SPAG17: variants seen among roughly 807,000 people sequenced by gnomAD.
SPAG17 encodes the protein sperm associated antigen 17.
Under a neutral mutation model 273.6 loss-of-function variants are expected in SPAG17, and 169 were observed. The observed-to-expected ratio is 0.62, with a 90% CI of 0.55 to 0.70. The LOEUF (loss-of-function observed/expected upper bound fraction) is 0.70. Among genes scored for constraint, SPAG17 ranks in the 30% least tolerant of loss-of-function variants. The pLI, the probability that SPAG17 is intolerant of heterozygous loss-of-function variation, is 0.00. For missense variants in SPAG17, 2,557 were observed against 2,627.8 expected (o/e 0.97, Z 0.59); for synonymous variants, 825 against 873.2 (o/e 0.94, Z 0.97).
chr1:118,039,568 TC>T, intron 22 of SPAG17, 124 bp from the exon 23 acceptor site: 1 of 945,146 alleles, frequency 1.1e-6, no homozygotes, highest in Non-Finnish European at 1.6e-6. Flanking sequence ...CACTGCATGT[TC>T]TCACTTAGGA....
At chr1:117,991,550 C>A (rs764758944) in intron 36 of SPAG17, 22 bp from the exon 37 acceptor site, 2 of 1,442,314 alleles carry the variant, frequency 1.4e-6, no homozygotes, top group African/African-American at 1.4e-5. Flanking sequence ...GAATAAAATA[C>A]ATAGACAAAA....
intron 42 of SPAG17, 21 bp downstream of exon 42, chr1:117,983,790 T>C: frequency 3.3e-6 from 5 of 1,500,384 alleles, no homozygotes; most frequent in Non-Finnish European, 3.7e-6. Context: ...AATAGGAATA[T>C]GTGCTATGCT....
intron 10 of SPAG17, among the ~76,000 whole-genome samples, chr1:118,088,313 T>G (rs1479060893): frequency 6.6e-6 from 1 of 152,192 alleles, no homozygotes; most frequent in African/African-American, 2.4e-5. Flanking sequence ...ATTAACTGTC[T>G]TCTTTGGTAC....
chr1:118,012,089 G>C, intron 30 of SPAG17, 139 bp downstream of exon 30: 2 of 641,950 alleles, frequency 3.1e-6, no homozygotes, highest in Non-Finnish European at 5.1e-6. Context: ...GCTTTGGATG[G>C]CATGGGTTTT....
At chr1:118,165,637 A>C (rs1660131826) in intron 1 of SPAG17, among the ~76,000 whole-genome samples, 1 of 145,016 alleles carries the variant, frequency 6.9e-6, no homozygotes, top group African/African-American at 2.6e-5. Flanking sequence ...TAAAAAAAAA[A>C]AAACTTTCTT....
intron 1 of SPAG17, among the ~76,000 whole-genome samples, chr1:118,158,294 T>C (rs550088843): frequency 2.6e-5 from 4 of 152,288 alleles, no homozygotes; most frequent in Admixed American, 1.3e-4. Context: ...AACAAACCAA[T>C]TATCAATTAG....
chr1:118,001,079 T>A (rs1189712302), intron 32 of SPAG17, among the ~76,000 whole-genome samples: 5 of 152,216 alleles, frequency 3.3e-5, no homozygotes, highest in Non-Finnish European at 7.3e-5. Flanking sequence ...ATTGAGATAA[T>A]CATGTGGTTT....
At chr1:118,090,121 A>C (rs115164263) in intron 10 of SPAG17, among the ~76,000 whole-genome samples, 1 of 152,310 alleles carries the variant, frequency 6.6e-6, no homozygotes, top group African/African-American at 2.4e-5. Flanking sequence ...ATGGGGGATA[A>C]AAACAGTTCC....
chr1:118,081,310 A>C lies in SPAG17; in HGVS notation c.2000T>G (p.Ile667Ser). ...ATCCACAAATAGTGTTCTGTCTTTG[A>C]TTTTAATATCTATTCAGTGTAAGGA... ...QEAKQKADIK[I>S]KDRTLFVDQN... The change falls in exon 15 of 49, where the codon ATC becomes AGC. Residue 667 changes from isoleucine to serine, a missense_variant. Physicochemically the swap from Ile to Ser is moderately radical, Grantham distance 142. Transcript: ENST00000336338. The C allele has an allele frequency of 6.2e-7, 1 of 1,613,952 alleles. No individual in the cohort carries two copies. Among genetic ancestry groups the C allele is most frequent in the Non-Finnish European group, 8.5e-7 (1 of 1,179,928 alleles).
At chr1:118,114,786 T>C (rs1266997278) in intron 4 of SPAG17, among the ~76,000 whole-genome samples, 1 of 152,184 alleles carries the variant, frequency 6.6e-6, no homozygotes, top group African/African-American at 2.4e-5. Flanking sequence ...GCAAATTAAA[T>C]GAAAAATCCA....
chr1:117,997,023 G>A (rs987910247), intron 32 of SPAG17, among the ~76,000 whole-genome samples: 53 of 152,140 alleles, frequency 3.5e-4, no homozygotes, highest in African/African-American at 1.1e-3. Flanking sequence ...ACCTCATACT[G>A]TGAAGATAGG....
intron 6 of SPAG17, among the ~76,000 whole-genome samples, chr1:118,098,214 T>C (rs1655839280): frequency 6.6e-6 from 1 of 152,180 alleles, no homozygotes; most frequent in African/African-American, 2.4e-5. Flanking sequence ...TTAAATCAAC[T>C]TAGTGTCTGC....
intron 25 of SPAG17, among the ~76,000 whole-genome samples, chr1:118,029,181 T>C (rs1415865417): frequency 2.0e-5 from 3 of 152,014 alleles, no homozygotes; most frequent in Non-Finnish European, 4.4e-5. Context: ...GCCCAGGAGT[T>C]TGAGCCCACA....
intron 3 of SPAG17, among the ~76,000 whole-genome samples, chr1:118,135,342 T>C (rs1471780060): frequency 2.0e-5 from 3 of 150,868 alleles, no homozygotes; most frequent in Non-Finnish European, 4.4e-5. Context: ...CTGGAGATAC[T>C]ACAAAACTGT....
intron 25 of SPAG17, among the ~76,000 whole-genome samples, chr1:118,030,728 G>A (rs531283549): frequency 3.3e-5 from 5 of 152,218 alleles, no homozygotes; most frequent in African/African-American, 1.2e-4. Flanking sequence ...TGCTGAGAAT[G>A]ATGGTTTCCA....
intron 12 of SPAG17, 67 bp from the exon 13 acceptor site, chr1:118,086,139 G>T: frequency 4.2e-6 from 6 of 1,426,588 alleles, no homozygotes; most frequent in Non-Finnish European, 5.8e-6. Context: ...TGCATATGGA[G>T]AAGGCTAAAC....
rs562128144 is a variant in SPAG17, at chr1:118,180,976, GAT to G, written c.87+4093_87+4094del. Among the ~76,000 whole-genome samples, 252 of 152,118 alleles carry G rather than the reference GAT, an allele frequency of 1.7e-3. 2 individuals carry two copies. Among genetic ancestry groups the G allele is most frequent in the African/African-American group, 5.7e-3 (237 of 41,566 alleles). On this transcript the variant is annotated intron_variant, in intron 1 of 48. Transcript: ENST00000336338. Reference sequence around the variant, plus strand: ...TGCTAATGGGTACATAGTATATAAAGATGTAATTTGTGACATCATAAGTCATG... The same window carrying G: ...TGCTAATGGGTACATAGTATATAAAGGTAATTTGTGACATCATAAGTCATG...
At chr1:118,161,658 C>T (rs933491045) in intron 1 of SPAG17, among the ~76,000 whole-genome samples, 9 of 152,152 alleles carry the variant, frequency 5.9e-5, no homozygotes, top group Non-Finnish European at 1.2e-4. Flanking sequence ...CTGCCTCAGC[C>T]TCCTGAGTAG....
chr1:118,069,067 C>T (rs529625168), intron 17 of SPAG17, among the ~76,000 whole-genome samples: 26 of 152,088 alleles, frequency 1.7e-4, no homozygotes, highest in African/African-American at 6.0e-4. Flanking sequence ...AAAAGTAGGC[C>T]GGGTGTGGTG....
Sources: gnomAD v4.1 joint callset for allele counts (sites outside exome capture counted in the v4.1 genomes callset) on GRCh38, gnomAD v4.1.1 for gene constraint, MANE v1.5 for transcripts, NCBI Gene and HGNC (gene_info 2026-07-23, HGNC 2026-07-21) for gene names.